Variants in ADAM12 observed in about 807,000 individuals in gnomAD.
The protein encoded by ADAM12 is disintegrin and metalloproteinase domain-containing protein 12.
In ADAM12, 70 loss-of-function variants were observed where a neutral mutation model predicts 106.4. That is an observed-to-expected ratio of 0.66 (90% CI 0.54 to 0.80). ADAM12 has a LOEUF of 0.80. Ranked by LOEUF, ADAM12 falls within the 30% of genes least tolerant of loss-of-function variation. The pLI, the probability that ADAM12 is intolerant of heterozygous loss-of-function variation, is 0.00. For missense variants in ADAM12, 1,010 were observed against 1,171.9 expected (o/e 0.86, Z 2.02); for synonymous variants, 420 against 433.5 (o/e 0.97, Z 0.39).
chr10:126,146,646 A>T (rs1956633898), intron 4 of ADAM12, among the ~76,000 whole-genome samples: 1 of 152,170 alleles, frequency 6.6e-6, no homozygotes, highest in Admixed American at 6.5e-5. Context: ...CCGGTGGCAC[A>T]AGCACCATCC....
chr10:126,103,134 T>C (rs1272116430), intron 8 of ADAM12, among the ~76,000 whole-genome samples: 1 of 152,204 alleles, frequency 6.6e-6, no homozygotes, highest in Non-Finnish European at 1.5e-5. Context: ...TGCTTCCTCA[T>C]CAAGGAGCTT....
intron 3 of ADAM12, among the ~76,000 whole-genome samples, chr10:126,258,992 T>C (rs897640680): frequency 5.9e-5 from 9 of 152,234 alleles, no homozygotes; most frequent in Non-Finnish European, 1.0e-4. Context: ...GTTCAATGCT[T>C]GTTATATACC....
At position 126,049,406 on chromosome 10, in the gene ADAM12, C is replaced by A; in HGVS notation, c.1764G>T (p.Arg588=). The A allele has an allele frequency of 6.2e-7, 1 of 1,614,180 alleles. No homozygotes were observed. The highest frequency in any genetic ancestry group is 1.1e-5 in the South Asian group (1 of 91,082). ...AAACGGCATTGGTACCAATGACTGG[C>A]CGGCTGGCACCTCCTTGACACTGGA... ...GKIQCQGGAS[R]PVIGTNAVSI... The change falls in exon 16 of 23, where the codon CGG becomes CGT. Residue 588 remains arginine (R), a synonymous_variant. Coordinates refer to ENST00000448723, the MANE Select transcript of ADAM12 (RefSeq NM_001288973.2). The surrounding 1 kb of genome is among the most constrained non-coding windows in gnomAD (Gnocchi z 4.4).
At chr10:126,088,724 C>CAAAAAA (rs55755010) in intron 11 of ADAM12, among the ~76,000 whole-genome samples, 117 of 148,606 alleles carry the variant, frequency 7.9e-4, no homozygotes, top group East Asian at 2.0e-3. Context: ...AAAACAAAAA[C>CAAAAAA]AAAAAGAGAG....
chr10:126,070,552 C>T (rs1954967294), intron 12 of ADAM12: 1 of 152,234 alleles, frequency 6.6e-6, no homozygotes, highest in African/African-American at 2.4e-5. Flanking sequence ...ACGATTTCTC[C>T]TCCACCCTAA....
intron 3 of ADAM12, among the ~76,000 whole-genome samples, chr10:126,204,594 G>T (rs1957762413): frequency 6.6e-6 from 1 of 152,246 alleles, no homozygotes; most frequent in South Asian, 2.1e-4. Flanking sequence ...TCAACGTTTA[G>T]TCTATGAGTA....
At chr10:126,079,300 C>T (rs1955165418) in intron 11 of ADAM12, among the ~76,000 whole-genome samples, 2 of 151,348 alleles carry the variant, frequency 1.3e-5, no homozygotes, top group Non-Finnish European at 2.9e-5. Context: ...CTCAAACAAA[C>T]CCCACATCCA....
intron 3 of ADAM12, among the ~76,000 whole-genome samples, chr10:126,198,224 G>A (rs1029881636): frequency 3.9e-5 from 6 of 152,208 alleles, no homozygotes; most frequent in African/African-American, 9.6e-5. Context: ...CGTTGCAGAC[G>A]CCCATGCTCT....
chr10:126,360,254 G>A (rs955251653), intron 1 of ADAM12, among the ~76,000 whole-genome samples: 4 of 152,060 alleles, frequency 2.6e-5, no homozygotes, highest in African/African-American at 9.7e-5. Flanking sequence ...CATTGTCTTG[G>A]GATTAACATT....
intron 1 of ADAM12, among the ~76,000 whole-genome samples, chr10:126,331,813 C>T (rs1429978073): frequency 2.0e-5 from 3 of 152,124 alleles, no homozygotes; most frequent in South Asian, 4.1e-4. Flanking sequence ...TGCATTCAAG[C>T]GAGAAGGGTT....
intron 3 of ADAM12, among the ~76,000 whole-genome samples, chr10:126,264,438 G>A (rs1959059979): frequency 6.6e-6 from 1 of 152,168 alleles, no homozygotes; most frequent in Non-Finnish European, 1.5e-5. Context: ...TCTTCTATCT[G>A]ACCACATGTT....
intron 3 of ADAM12, among the ~76,000 whole-genome samples, chr10:126,194,601 C>G (rs1310890575): frequency 6.6e-6 from 1 of 152,156 alleles, no homozygotes; most frequent in Non-Finnish European, 1.5e-5. Flanking sequence ...ATGTGTATAA[C>G]ACACCAATCA....
intron 3 of ADAM12, among the ~76,000 whole-genome samples, chr10:126,256,042 TC>T (rs1379610095): frequency 1.3e-5 from 2 of 152,184 alleles, no homozygotes; most frequent in Non-Finnish European, 2.9e-5. Context: ...ACCAGCCAAG[TC>T]TGCCACGGTG....
At chr10:126,299,604 T>G (rs1960528890) in intron 2 of ADAM12, among the ~76,000 whole-genome samples, 1 of 152,196 alleles carries the variant, frequency 6.6e-6, no homozygotes, top group Admixed American at 6.5e-5. Flanking sequence ...ATGTTGAATT[T>G]ACCCATGTTA....
At chr10:126,273,070 T>A (rs2366474) in intron 3 of ADAM12, 147,980 of 154,184 alleles carry the variant, frequency 0.96, 71,216 homozygotes, top group East Asian at 1. Flanking sequence ...AACACGTTGG[T>A]TTTGGAACAG....
intron 2 of ADAM12, among the ~76,000 whole-genome samples, chr10:126,288,126 G>A (rs1212394643): frequency 6.6e-6 from 1 of 152,118 alleles, no homozygotes; most frequent in Non-Finnish European, 1.5e-5. Context: ...AGGGTCCTCT[G>A]ACCTGCGGGC....
intron 3 of ADAM12, among the ~76,000 whole-genome samples, chr10:126,212,612 T>C (rs1259532630): frequency 1.3e-5 from 2 of 152,190 alleles, no homozygotes; most frequent in Non-Finnish European, 2.9e-5. Context: ...TGAAGAAAAC[T>C]GGGCTATCTT....
At chr10:126,184,911 C>T (rs1957373794) in intron 3 of ADAM12, among the ~76,000 whole-genome samples, 1 of 152,178 alleles carries the variant, frequency 6.6e-6, no homozygotes, top group Non-Finnish European at 1.5e-5. Flanking sequence ...ACTTTAGTGA[C>T]CATCACCATC....
chr10:126,059,522 ATC>A (rs1954706522), intron 14 of ADAM12, among the ~76,000 whole-genome samples: 1 of 152,122 alleles, frequency 6.6e-6, no homozygotes, highest in Admixed American at 6.5e-5. Context: ...TCTGGCAAAA[ATC>A]TCTTTTTTTC....
Sources: allele counts gnomAD v4.1 joint callset (sites outside exome capture counted in the v4.1 genomes callset), GRCh38; gene constraint gnomAD v4.1.1; non-coding constraint Gnocchi (gnomAD v3.1); transcripts MANE v1.5; gene names NCBI Gene and HGNC (gene_info 2026-07-23, HGNC 2026-07-21).